FKTN: variants seen among roughly 807,000 people sequenced by gnomAD.
FKTN encodes fukutin.
FKTN carries 47 observed loss-of-function variants against 58.6 expected under a neutral mutation model. That is an observed-to-expected ratio of 0.80 (90% confidence interval 0.63 to 1.02). The LOEUF (loss-of-function observed/expected upper bound fraction) is 1.02, where lower values mean the gene tolerates loss of function less well. Among genes scored for constraint, FKTN ranks in the 50% least tolerant of loss-of-function variants. FKTN has a pLI of 0.00. For synonymous variants in FKTN, 178 were observed against 191.9 expected (o/e 0.93, Z 0.60); for missense variants, 516 against 537.3 (o/e 0.96, Z 0.39).
chr9:105,638,041 A>G lies in FKTN; in HGVS notation c.*2777A>G. The G allele has an allele frequency of 1.0e-6, 1 of 981,412 alleles. No homozygotes were observed. 60.8% of individuals were successfully genotyped at this position (981,412 alleles called of 1,614,324 possible). A position where few individuals can be genotyped will look rare whatever the true frequency, so the allele number is the denominator to read the frequency against. ...TTAAGTGAAAATCATTCTGCTTTTGAATCTTAAAAGCTAGAAAAACCATAA... is the reference window on the plus strand; with the variant it reads ...TTAAGTGAAAATCATTCTGCTTTTGGATCTTAAAAGCTAGAAAAACCATAA... On this transcript the variant is annotated 3_prime_UTR_variant, in exon 11 of 11. Transcript: ENST00000357998.
intron 6 of FKTN, among the ~76,000 whole-genome samples, chr9:105,604,967 A>C (rs1171989276): frequency 6.6e-6 from 1 of 151,952 alleles, no homozygotes; most frequent in African/African-American, 2.4e-5. Flanking sequence ...AAAAAAAAAA[A>C]AAAACTGTAA....
Position 105,575,112 on chromosome 9 carries a change from A to G in FKTN, c.80A>G (p.Tyr27Cys). 2 of 1,598,990 alleles carry G rather than the reference A, an allele frequency of 1.3e-6. No individual in the cohort carries two copies. Among genetic ancestry groups the G allele is most frequent in the Non-Finnish European group, 8.6e-7 (1 of 1,166,386 alleles). The change falls in exon 3 of 11, where the codon TAC (tyrosine) becomes TGC (cysteine). Residue 27 changes from tyrosine to cysteine, a missense_variant. Coordinates refer to ENST00000357998, the MANE Select transcript of FKTN (RefSeq NM_001079802.2). ...SSAFLLFQLY[Y>C]YKHYLSTKNG... ...GCATTTCTGCTGTTTCAGTTGTACT[A>G]CTACAAGCACTATTTATCAACAAAG...
At chr9:105,594,886 G>A (rs1826472337) in intron 3 of FKTN, among the ~76,000 whole-genome samples, 1 of 152,204 alleles carries the variant, frequency 6.6e-6, no homozygotes, top group Admixed American at 6.5e-5. Flanking sequence ...GTGTATACAA[G>A]AGAATGATTG....
At chr9:105,627,220 C>A (rs573496857) in intron 10 of FKTN, among the ~76,000 whole-genome samples, 16 of 152,260 alleles carry the variant, frequency 1.1e-4, no homozygotes, top group African/African-American at 3.1e-4. Flanking sequence ...AATCTGCCCT[C>A]CTCGGCCTCC....
intron 3 of FKTN, among the ~76,000 whole-genome samples, chr9:105,585,447 T>G (rs1001096808): frequency 6.6e-6 from 1 of 152,112 alleles, no homozygotes; most frequent in Non-Finnish European, 1.5e-5. Flanking sequence ...TATGTACATA[T>G]GTAAAATAAA....
intron 3 of FKTN, among the ~76,000 whole-genome samples, chr9:105,595,843 T>C (rs969338576): frequency 2.6e-5 from 4 of 152,314 alleles, no homozygotes; most frequent in African/African-American, 9.6e-5. Flanking sequence ...CTATAGCTTA[T>C]AGATAACGTA....
At chr9:105,584,794 C>T (rs547107419) in intron 3 of FKTN, among the ~76,000 whole-genome samples, 1 of 152,154 alleles carries the variant, frequency 6.6e-6, no homozygotes, top group East Asian at 1.9e-4. Flanking sequence ...GCACTCCAGC[C>T]TGGGTGACGG....
chr9:105,589,005 T>C (rs531182203), intron 3 of FKTN, among the ~76,000 whole-genome samples: 6 of 152,298 alleles, frequency 3.9e-5, no homozygotes, highest in South Asian at 4.1e-4. Flanking sequence ...TCTTCCTGTA[T>C]AGCTACAGTT....
intron 3 of FKTN, among the ~76,000 whole-genome samples, chr9:105,589,369 A>G (rs900898950): frequency 1.3e-4 from 20 of 152,074 alleles, no homozygotes; most frequent in Admixed American, 1.1e-3. Context: ...GTTGTGGCAT[A>G]TGCCTGCCTG....
At chr9:105,558,960 T>A (rs1416702583) in intron 1 of FKTN, among the ~76,000 whole-genome samples, 1 of 152,192 alleles carries the variant, frequency 6.6e-6, no homozygotes, top group Non-Finnish European at 1.5e-5. Flanking sequence ...AAGGCTGGCA[T>A]TGAACGGTGA....
At chr9:105,570,496 C>G (rs1840552903) in intron 1 of FKTN, among the ~76,000 whole-genome samples, 1 of 152,116 alleles carries the variant, frequency 6.6e-6, no homozygotes, top group African/African-American at 2.4e-5. Context: ...AACAGTGGTT[C>G]TTAATTGATG....
At chr9:105,567,768 C>G (rs1839944624) in intron 1 of FKTN, among the ~76,000 whole-genome samples, 1 of 152,206 alleles carries the variant, frequency 6.6e-6, no homozygotes, top group Non-Finnish European at 1.5e-5. Flanking sequence ...CAATGACTTT[C>G]TTCACAGAAT....
At chr9:105,585,610 A>G (rs1312604639) in intron 3 of FKTN, among the ~76,000 whole-genome samples, 3 of 152,228 alleles carry the variant, frequency 2.0e-5, no homozygotes, top group Non-Finnish European at 2.9e-5. Flanking sequence ...AGTTTAGTGA[A>G]GTATAGATGC....
In FKTN at chr9:105,625,305, T is replaced by C. The variant is rs142825075; in HGVS notation, c.1172+5244T>C. ...CACAATTTGAATGAATATTGTTGAATGGGGAATTGCTATTAAGTTAGATTT... is the reference window on the plus strand; with the variant it reads ...CACAATTTGAATGAATATTGTTGAACGGGGAATTGCTATTAAGTTAGATTT... On this transcript the variant is annotated intron_variant, in intron 10 of 10. Coordinates refer to ENST00000357998, the MANE Select transcript of FKTN (RefSeq NM_001079802.2). Among the ~76,000 whole-genome samples, 113 of 152,306 alleles carry C rather than the reference T, an allele frequency of 7.4e-4. 1 individual carries two copies. Among genetic ancestry groups the C allele is most frequent in the African/African-American group, 2.6e-3 (108 of 41,584 alleles).
At chr9:105,606,694 T>TTA (rs201784966) in intron 6 of FKTN, among the ~76,000 whole-genome samples, 3 of 92,122 alleles carry the variant, frequency 3.3e-5, no homozygotes, top group East Asian at 3.2e-4. Flanking sequence ...TATATATATA[T>TTA]TATATATATA....
chr9:105,582,953 T>A (rs1043471414), intron 3 of FKTN, among the ~76,000 whole-genome samples: 3 of 152,200 alleles, frequency 2.0e-5, no homozygotes, highest in African/African-American at 7.2e-5. Flanking sequence ...CCTCTAAAAT[T>A]CTCTTGGTAT....
intron 10 of FKTN, among the ~76,000 whole-genome samples, chr9:105,631,584 A>C (rs1833457399): frequency 2.0e-5 from 3 of 152,124 alleles, no homozygotes; most frequent in South Asian, 4.2e-4. Flanking sequence ...AAAAACAAAC[A>C]ACCCCATCAA....
chr9:105,613,840 A>G (rs947794898), intron 7 of FKTN, among the ~76,000 whole-genome samples: 1 of 152,260 alleles, frequency 6.6e-6, no homozygotes, highest in Admixed American at 6.5e-5. Flanking sequence ...TGTTGAATAG[A>G]AACACTTCCT....
At chr9:105,608,884 A>G (rs1029212033) in intron 7 of FKTN, among the ~76,000 whole-genome samples, 1 of 152,222 alleles carries the variant, frequency 6.6e-6, no homozygotes, top group African/African-American at 2.4e-5. Context: ...ACTCTAGTAG[A>G]AAAGTGCTGC....
Sources: gnomAD v4.1 joint callset for allele counts (sites outside exome capture counted in the v4.1 genomes callset) on GRCh38, gnomAD v4.1.1 for gene constraint, MANE v1.5 for transcripts, NCBI Gene and HGNC (gene_info 2026-07-23, HGNC 2026-07-21) for gene names.